The following ESD variants were observed in gnomAD, a reference collection of about 807,000 sequenced individuals.
ESD encodes esterase D, also known as S-formylglutathione hydrolase.
A neutral mutation model predicts 38.1 loss-of-function variants in ESD; 34 were observed. The ratio of observed to expected loss-of-function variants is 0.89; its 90% CI spans 0.68 to 1.19. The LOEUF (loss-of-function observed/expected upper bound fraction) is 1.19, where lower values mean the gene tolerates loss of function less well. Ranked by LOEUF, ESD falls within the 50% of genes most tolerant of loss-of-function variation. The probability of loss-of-function intolerance (pLI) is 0.00; values close to 1 mark genes in which losing one functional copy is unlikely to be tolerated. For missense variants in ESD, 334 were observed against 327.2 expected (o/e 1.02, Z -0.16); for synonymous variants, 97 against 107.0 (o/e 0.91, Z 0.58).
chr13:46,789,787 G>A (rs1353355237), intron 3 of ESD, among the ~76,000 whole-genome samples: 1 of 151,686 alleles, frequency 6.6e-6, no homozygotes, highest in Non-Finnish European at 1.5e-5. Flanking sequence ...AAATTTAAAT[G>A]TCTAGGCTTT....
In ESD at chr13:46,781,516, T is replaced by C. The variant is rs1874998901; in HGVS notation, c.481A>G (p.Lys161Glu). Reference sequence around the variant, plus strand: ...CTTACTTTGTATTTTCCAGGATTTTTCAAAGCACAGATCAGAGCTCCATGA... The same window carrying C: ...CTTACTTTGTATTTTCCAGGATTTTCCAAAGCACAGATCAGAGCTCCATGA... ...GGHGALICALKNPGKYKSVSA... is the reference protein window; with the variant it reads ...GGHGALICALENPGKYKSVSA... The change falls in exon 7 of 10, where the codon AAA becomes GAA. Residue 161 changes from lysine (K) to glutamate (E), a missense_variant. By Grantham distance (56) the Lys-to-Glu change is moderately conservative. Coordinates refer to ENST00000378720, the MANE Select transcript of ESD (RefSeq NM_001984.2). The C allele has an allele frequency of 1.2e-6, 2 of 1,601,518 alleles. No homozygotes were observed.
intron 9 of ESD, 182 bp downstream of exon 9, chr13:46,777,274 C>A: frequency 2.4e-6 from 1 of 413,210 alleles, no homozygotes; most frequent in Admixed American, 4.0e-5. Flanking sequence ...CTATTTCTAT[C>A]AAATTTAGTG....
chr13:46,783,716 C>T (rs1299119939), intron 5 of ESD, among the ~76,000 whole-genome samples: 1 of 151,858 alleles, frequency 6.6e-6, no homozygotes, highest in Non-Finnish European at 1.5e-5. Context: ...ATTTAAATTC[C>T]ATTTCCTGAA....
Position 46,777,587 on chromosome 13 carries a change from C to T in ESD, c.637G>A (p.Gly213Arg). The change falls in exon 9 of 10, where the codon GGA becomes AGA. Residue 213 changes from glycine (G) to arginine (R), a missense_variant. By Grantham distance (125) the Gly-to-Arg change is moderately radical. Coordinates refer to ENST00000378720, the MANE Select transcript of ESD (RefSeq NM_001984.2). ...DATHLVKSYP[G>R]SQLDILIDQG... ...TCAATTAGTATGTCCAGCTGAGATC[C>T]TGGATAGGATTTCACAAGGTGGGTA... 1 of 1,607,936 alleles carries T rather than the reference C, an allele frequency of 6.2e-7. No individual in the cohort carries two copies. The highest frequency in any genetic ancestry group is 8.5e-7 in the Non-Finnish European group (1 of 1,176,692).
chr13:46,776,921 A>G (rs1192954159), intron 9 of ESD: 1 of 152,070 alleles, frequency 6.6e-6, no homozygotes, highest in African/African-American at 2.4e-5. Flanking sequence ...TGGACGGTCA[A>G]AAATATTTTA....
chr13:46,772,355 T>A (rs1022553019), intron 9 of ESD, among the ~76,000 whole-genome samples: 1 of 152,200 alleles, frequency 6.6e-6, no homozygotes, highest in Non-Finnish European at 1.5e-5. Context: ...CTGCTGACTC[T>A]GACACTTCTT....
At chr13:46,796,397 G>A (rs1875577562) in intron 1 of ESD, among the ~76,000 whole-genome samples, 1 of 152,180 alleles carries the variant, frequency 6.6e-6, no homozygotes, top group African/African-American at 2.4e-5. Flanking sequence ...GTTAATTCAC[G>A]TAGTGCTTAA....
At chr13:46,777,742 T>C (rs761433242) in intron 8 of ESD, 119 bp from the exon 9 acceptor site, 9 of 752,398 alleles carry the variant, frequency 1.2e-5, no homozygotes, top group Non-Finnish European at 1.7e-5. Flanking sequence ...AAATCAGAAA[T>C]ATGCTTTTAA....
In ESD at chr13:46,775,968, GA is replaced by G. The variant is rs1335685309; in HGVS notation, c.768+1487del. 1.3e-5 allele frequency: 3 copies of G among 227,412 alleles called. No individual in the cohort carries two copies. The East Asian group carries it at 3.7e-4, about 28-fold the overall frequency. The allele number at this position is 227,412 out of a possible 1,614,324, so 14.1% of individuals were successfully genotyped here. ...TTTGTTGGCAGGCAGAATCATTGTAGAAACAACAGAAATTTTGGGCCCAGTC... is the reference window on the plus strand; with the variant it reads ...TTTGTTGGCAGGCAGAATCATTGTAGAACAACAGAAATTTTGGGCCCAGTC... On this transcript the variant is annotated intron_variant, in intron 9 of 9. Transcript: ENST00000378720.
In ESD at chr13:46,771,334, ATTTT is replaced by A. The variant is rs199682790; in HGVS notation, c.*78_*81del. On this transcript the variant is annotated 3_prime_UTR_variant, in exon 10 of 10. Coordinates refer to ENST00000378720, the MANE Select transcript of ESD (RefSeq NM_001984.2). ...AGCACTATAAAATCCAATGTTTTGA[ATTTT>A]TTTTTTTTTTGCTCAGCAATACAGT... is the stretch of plus-strand genomic sequence containing the variant. The A allele has an allele frequency of 3.9e-5, 28 of 708,896 alleles. No homozygotes were observed. The highest frequency in any genetic ancestry group is 6.0e-5 in the Non-Finnish European group (27 of 448,462). The allele number at this position is 708,896 out of a possible 1,614,324, so 43.9% of individuals were successfully genotyped here. A position where few individuals can be genotyped will look rare whatever the true frequency, so the allele number is the denominator to read the frequency against.
intron 7 of ESD, among the ~76,000 whole-genome samples, chr13:46,780,702 T>C (rs533824624): frequency 6.6e-6 from 1 of 151,814 alleles, no homozygotes; most frequent in South Asian, 2.1e-4. Context: ...TGTCAGGCCA[T>C]GAATTAATAA....
intron 3 of ESD, among the ~76,000 whole-genome samples, chr13:46,789,278 C>T (rs1593410365): frequency 6.6e-6 from 1 of 152,160 alleles, no homozygotes; most frequent in Admixed American, 6.5e-5. Flanking sequence ...ATGGGAAATA[C>T]ACTTTGAGAC....
Position 46,790,855 on chromosome 13 carries a change from C to T in ESD, c.68+491G>A, listed in dbSNP as rs182180882. ...TACTACCTCTCCATTTGTATTCCTG[C>T]TTCTAAAATGTTATTCTTAGCTCCT... is the stretch of plus-strand genomic sequence containing the variant. On this transcript the variant is annotated intron_variant, in intron 3 of 9. Transcript: ENST00000378720. Among the ~76,000 whole-genome samples, 9 of 152,196 alleles carry T rather than the reference C, an allele frequency of 5.9e-5. 1 individual carries two copies. Among genetic ancestry groups the T allele is most frequent in the African/African-American group, 2.2e-4 (9 of 41,528 alleles).
rs1593401623 is a variant in ESD, at chr13:46,771,431, T to C, written c.834A>G (p.Lys278=). The C allele has an allele frequency of 6.2e-7, 1 of 1,602,098 alleles. No homozygotes were observed. Residue 278 remains lysine, a synonymous_variant, in exon 10 of 10, where the codon AAA becomes AAG. Transcript: ENST00000378720. ...FITDHIRHHA[K]YLNA ...TGGAGTTTTTTCATGCATTCAGGTA[T>C]TTAGCATGATGTCTGATGTGGTCAG...
At chr13:46,789,178 G>A (rs550440587) in intron 3 of ESD, among the ~76,000 whole-genome samples, 31 of 152,120 alleles carry the variant, frequency 2.0e-4, no homozygotes, top group Non-Finnish European at 4.1e-4. Flanking sequence ...TTTCTCCTCT[G>A]ATCTGTTTTC....
At chr13:46,789,999 T>C (rs1875336968) in intron 3 of ESD, among the ~76,000 whole-genome samples, 2 of 87,830 alleles carry the variant, frequency 2.3e-5, no homozygotes, top group Admixed American at 1.2e-4. Flanking sequence ...TACATATATA[T>C]ATATATATAT....
chr13:46,779,098 T>G (rs1439979456), intron 8 of ESD, among the ~76,000 whole-genome samples: 1 of 151,764 alleles, frequency 6.6e-6, no homozygotes, highest in Non-Finnish European at 1.5e-5. Context: ...GGCCCATTTC[T>G]GCACAAGAGT....
intron 6 of ESD, among the ~76,000 whole-genome samples, chr13:46,782,024 G>A (rs1425670039): frequency 6.6e-6 from 1 of 151,616 alleles, no homozygotes; most frequent in Non-Finnish European, 1.5e-5. Flanking sequence ...AGAGGAAAAA[G>A]TCAATTATGG....
Position 46,782,596 on chromosome 13 carries a change from G to T in ESD, c.381+71C>A, listed in dbSNP as rs536649183. The T allele has an allele frequency of 9.6e-5, 147 of 1,530,054 alleles. 1 individual carries two copies. The South Asian group carries it at 1.3e-3, about 14-fold the overall frequency. The allele number at this position is 1,530,054 out of a possible 1,614,324, so 94.8% of individuals were successfully genotyped here. A position where few individuals can be genotyped will look rare whatever the true frequency, so the allele number is the denominator to read the frequency against. ...ACCCTAGTTTAAAATCCTCAGGATT[G>T]TAAGGACTTTGTGTTCAAAATCAAA... On this transcript the variant is annotated intron_variant, in intron 6 of 9. Transcript: ENST00000378720.
Sources: allele counts gnomAD v4.1 joint callset (sites outside exome capture counted in the v4.1 genomes callset), GRCh38; gene constraint gnomAD v4.1.1; transcripts MANE v1.5; gene names NCBI Gene and HGNC (gene_info 2026-07-23, HGNC 2026-07-21).